Variants in ANKRD44 observed in about 807,000 individuals in gnomAD.
ANKRD44 encodes the protein serine/threonine-protein phosphatase 6 regulatory ankyrin repeat subunit B.
In ANKRD44, 35 loss-of-function variants were observed where a neutral mutation model predicts 116.0. The observed-to-expected ratio is 0.30, with a 90% confidence interval of 0.23 to 0.40. The LOEUF (loss-of-function observed/expected upper bound fraction) is 0.40. Among genes scored for constraint, ANKRD44 ranks in the 10% least tolerant of loss-of-function variants. ANKRD44 has a pLI of 1.00. For missense variants in ANKRD44, 1,014 were observed against 1,242.6 expected, an observed-to-expected ratio of 0.82 and a Z score of 2.77; for synonymous variants, 435 against 461.8, an observed-to-expected ratio of 0.94 and a Z score of 0.74.
At chr2:197,114,872 A>ATTTTG (rs1326726647) in intron 8 of ANKRD44, among the ~76,000 whole-genome samples, 1 of 152,150 alleles carries the variant, frequency 6.6e-6, no homozygotes, top group Non-Finnish European at 1.5e-5. Flanking sequence ...TGTCCAATTT[A>ATTTTG]TTTTGTTTTG....
chr2:197,207,583 C>T (rs1306642122), intron 1 of ANKRD44, among the ~76,000 whole-genome samples: 1 of 152,090 alleles, frequency 6.6e-6, no homozygotes, highest in Non-Finnish European at 1.5e-5. Context: ...CTACTCTTAA[C>T]ACCAGCTCAC....
intron 16 of ANKRD44, among the ~76,000 whole-genome samples, chr2:197,063,656 G>A (rs1446379904): frequency 6.6e-6 from 1 of 152,206 alleles, no homozygotes; most frequent in African/African-American, 2.4e-5. Context: ...CGTGATGAAT[G>A]CACAAGCTTC....
chr2:196,986,625 T>G (rs2075840458), downstream of ANKRD44: 8 of 864,966 alleles, frequency 9.2e-6, no homozygotes, highest in Non-Finnish European at 9.7e-6. Flanking sequence ...TTAGCATAAT[T>G]TAGAAAAAGC....
rs73991217 is a variant in ANKRD44, at chr2:197,152,541, G to C, written c.112-5436C>G. Among the ~76,000 whole-genome samples, 653 of 152,306 alleles carry C rather than the reference G, an allele frequency of 4.3e-3. 4 individuals are homozygous for C. Among genetic ancestry groups the C allele is most frequent in the African/African-American group, 0.015 (603 of 41,562 alleles). Reference sequence around the variant, plus strand: ...AGCCAAAGATACACACAGCCAGCAGGGGTCTGAGCTAAATTTGCAGTATGT... The same window carrying C: ...AGCCAAAGATACACACAGCCAGCAGCGGTCTGAGCTAAATTTGCAGTATGT... On this transcript the variant is annotated intron_variant, in intron 2 of 27. Transcript: ENST00000282272.
At chr2:197,118,637 G>GAAAGAAGGAAAGAAAGAAAGAA (rs1553512574) in intron 8 of ANKRD44, among the ~76,000 whole-genome samples, 1 of 112,358 alleles carries the variant, frequency 8.9e-6, no homozygotes, top group African/African-American at 3.3e-5. Flanking sequence ...GAGAGAGAGA[G>GAAAGAAGGAAAGAAAGAAAGAA]AGAAAGAAAG....
At chr2:197,307,862 A>C (rs2105931934) in intron 1 of ANKRD44, among the ~76,000 whole-genome samples, 1 of 152,326 alleles carries the variant, frequency 6.6e-6, no homozygotes, top group South Asian at 2.1e-4. Context: ...GATTCACTTC[A>C]CAAATAGGGC....
intron 16 of ANKRD44, among the ~76,000 whole-genome samples, chr2:197,076,477 T>C (rs1366505168): frequency 6.6e-6 from 1 of 152,152 alleles, no homozygotes; most frequent in East Asian, 1.9e-4. Flanking sequence ...AAAACCCCAC[T>C]TCTTCATTTA....
Position 197,125,469 on chromosome 2 carries a change from C to T in ANKRD44, c.463-1G>A, listed in dbSNP as rs1231135872. ...CTTTGGCCAAGAGTAAATTGACCAT[C>T]TGAAAGATAACCAACAATGAAATCA... On this transcript the variant is annotated splice_acceptor_variant, in intron 5 of 27. Coordinates refer to ENST00000282272, the MANE Select transcript of ANKRD44 (RefSeq NM_001195144.2). LOFTEE classifies it high-confidence loss of function. 1 of 1,613,080 alleles carries T rather than the reference C, an allele frequency of 6.2e-7. No individual in the cohort carries two copies. The highest frequency in any genetic ancestry group is 8.5e-7 in the Non-Finnish European group (1 of 1,179,496).
At chr2:196,976,223 G>T (rs551761767) in intron 21 of ANKRD44, among the ~76,000 whole-genome samples, 1 of 151,900 alleles carries the variant, frequency 6.6e-6, no homozygotes, top group Non-Finnish European at 1.5e-5. Context: ...TGTAACCTCC[G>T]CCTCCCAGGT....
At chr2:197,211,472 G>A (rs796275112) in intron 1 of ANKRD44, among the ~76,000 whole-genome samples, 37 of 152,246 alleles carry the variant, frequency 2.4e-4, no homozygotes, top group African/African-American at 7.9e-4. Flanking sequence ...AAGAGTGAAC[G>A]TCTTTCCCTA....
In ANKRD44 at chr2:197,001,735, C is replaced by G; in HGVS notation, c.2435+18G>C. The G allele has an allele frequency of 6.4e-7, 1 of 1,573,550 alleles. No homozygotes were observed. ...AATCATTAAAGCAACATCATTAACT[C>G]TCAGCGTTTCTACTTACATTGCACA... On this transcript the variant is annotated intron_variant, in intron 22 of 27. Transcript: ENST00000282272.
rs151042254 is a variant in ANKRD44, at chr2:197,105,542, T to G, written c.985+5224A>C. 3.3e-5 allele frequency among the ~76,000 whole-genome samples: 5 copies of G among 152,300 alleles called. No individual in the cohort carries two copies. The East Asian group carries it at 9.6e-4, about 29-fold the overall frequency. On this transcript the variant is annotated intron_variant, in intron 9 of 27. Transcript: ENST00000282272. The stretch of plus-strand genomic sequence containing the variant: ...GTGTCACCAAACTGCCAATAAAAAT[T>G]ATTGGGATAGGGCTGAGGAGACACA...
At chr2:197,184,469 C>G (rs2080599396) in intron 2 of ANKRD44, among the ~76,000 whole-genome samples, 1 of 151,988 alleles carries the variant, frequency 6.6e-6, no homozygotes, top group Non-Finnish European at 1.5e-5. Flanking sequence ...TGGTGAAACC[C>G]TGTCTCTACT....
At chr2:197,054,961 G>A (rs1479807364) in intron 16 of ANKRD44, among the ~76,000 whole-genome samples, 1 of 152,162 alleles carries the variant, frequency 6.6e-6, no homozygotes, top group Non-Finnish European at 1.5e-5. Flanking sequence ...ACACTGGCCT[G>A]TAGCTGCTCA....
intron 16 of ANKRD44, among the ~76,000 whole-genome samples, chr2:197,064,039 G>A (rs1457926612): frequency 2.6e-5 from 4 of 152,158 alleles, no homozygotes; most frequent in Non-Finnish European, 5.9e-5. Flanking sequence ...AAATGTTAAG[G>A]GCAGTCAGAG....
chr2:197,287,405 T>C (rs1363075520), intron 1 of ANKRD44, among the ~76,000 whole-genome samples: 2 of 152,158 alleles, frequency 1.3e-5, no homozygotes, highest in African/African-American at 4.8e-5. Context: ...GCTGCTGCAC[T>C]GTAGGAGCTG....
At chr2:197,308,129 C>T in intron 1 of ANKRD44, among the ~76,000 whole-genome samples, 1 of 148,422 alleles carries the variant, frequency 6.7e-6, no homozygotes, top group Middle Eastern at 3.2e-3. Context: ...CATGATCATA[C>T]TATCGAGTCA....
intron 1 of ANKRD44, among the ~76,000 whole-genome samples, chr2:197,243,400 T>C (rs557871268): frequency 4.6e-5 from 7 of 152,186 alleles, no homozygotes; most frequent in African/African-American, 1.4e-4. Context: ...AAAAATGTCT[T>C]AAAGAGAAAC....
At chr2:196,999,994 T>C (rs1181194927) in intron 23 of ANKRD44, among the ~76,000 whole-genome samples, 1 of 152,184 alleles carries the variant, frequency 6.6e-6, no homozygotes, top group Non-Finnish European at 1.5e-5. Flanking sequence ...GAGCAAATTA[T>C]AGCATATCCA....
Sources: allele counts gnomAD v4.1 joint callset (sites outside exome capture counted in the v4.1 genomes callset), GRCh38; gene constraint gnomAD v4.1.1; transcripts MANE v1.5; gene names NCBI Gene and HGNC (gene_info 2026-07-23, HGNC 2026-07-21).